RBM20: variants seen among roughly 807,000 people sequenced by gnomAD.
RBM20 encodes RNA-binding protein 20.
RBM20 carries 51 observed loss-of-function variants against 110.1 expected under a neutral mutation model. That is an observed-to-expected ratio of 0.46 (90% CI 0.37 to 0.59). The LOEUF is 0.59. Ranked by LOEUF, RBM20 falls within the 20% of genes least tolerant of loss-of-function variation. The pLI is 0.00. For missense variants in RBM20, 1,512 were observed against 1,574.9 expected (o/e 0.96, Z 0.68); for synonymous variants, 589 against 618.2 (o/e 0.95, Z 0.70).
chr10:110,717,345 C>A (rs1863034568), intron 1 of RBM20, among the ~76,000 whole-genome samples: 1 of 152,276 alleles, frequency 6.6e-6, no homozygotes, highest in South Asian at 2.1e-4. Flanking sequence ...CCCTCCTCCC[C>A]CTCCTCCTCC....
At chr10:110,686,173 A>G (rs903981064) in intron 1 of RBM20, among the ~76,000 whole-genome samples, 3 of 152,162 alleles carry the variant, frequency 2.0e-5, no homozygotes, top group African/African-American at 7.2e-5. Context: ...GCTACATGAC[A>G]ATGTCGTCAT....
At chr10:110,690,433 A>G (rs1377125879) in intron 1 of RBM20, among the ~76,000 whole-genome samples, 3 of 152,158 alleles carry the variant, frequency 2.0e-5, no homozygotes, top group Non-Finnish European at 4.4e-5. Context: ...CAAAACCTGT[A>G]CAATTCACTG....
chr10:110,763,751 C>CTTTTTTTTT (rs56845100), intron 1 of RBM20, among the ~76,000 whole-genome samples: 7 of 64,390 alleles, frequency 1.1e-4, no homozygotes, highest in African/African-American at 1.9e-4. Context: ...GGCTTCTTGG[C>CTTTTTTTTT]TTTTTTTTTT....
At chr10:110,764,962 G>A (rs1310887005) in intron 1 of RBM20, among the ~76,000 whole-genome samples, 1 of 152,028 alleles carries the variant, frequency 6.6e-6, no homozygotes, top group Non-Finnish European at 1.5e-5. Context: ...GCATGAGTAT[G>A]CGATTTGTCT....
intron 1 of RBM20, among the ~76,000 whole-genome samples, chr10:110,709,647 G>A (rs192933368): frequency 5.1e-4 from 77 of 150,880 alleles, no homozygotes; most frequent in African/African-American, 1.8e-3. Context: ...GCTCACTGCA[G>A]CCTTGAACTC....
chr10:110,750,682 T>C (rs1338479769), intron 1 of RBM20, among the ~76,000 whole-genome samples: 2 of 152,218 alleles, frequency 1.3e-5, no homozygotes, highest in East Asian at 1.9e-4. Context: ...TGTAATGAAA[T>C]GTGTGCTCCC....
upstream of RBM20, among the ~76,000 whole-genome samples, chr10:110,643,595 A>T (rs1414159060): frequency 6.6e-6 from 1 of 152,210 alleles, no homozygotes; most frequent in Non-Finnish European, 1.5e-5. Flanking sequence ...AAATGTACGC[A>T]TGGTTTTGTC....
At chr10:110,752,327 T>C (rs1196302123) in intron 1 of RBM20, among the ~76,000 whole-genome samples, 2 of 152,234 alleles carry the variant, frequency 1.3e-5, no homozygotes, top group Admixed American at 1.3e-4. Context: ...CTCTTTCACC[T>C]AGTAATGTGT....
chr10:110,675,789 C>G (rs577045604), intron 1 of RBM20, among the ~76,000 whole-genome samples: 2 of 152,280 alleles, frequency 1.3e-5, no homozygotes, highest in South Asian at 4.1e-4. Context: ...TTCTCTGAGC[C>G]TTGATTTGCT....
chr10:110,810,802 T>C (rs1844756365), intron 8 of RBM20, among the ~76,000 whole-genome samples: 1 of 150,190 alleles, frequency 6.7e-6, no homozygotes, highest in African/African-American at 2.5e-5. Flanking sequence ...TGCGTGTGTG[T>C]GTGTGTGTGT....
rs1342667408 is a variant in RBM20 at position 110,656,435 on chromosome 10, T to C, written c.191+11790T>C. 2.6e-5 allele frequency among the ~76,000 whole-genome samples: 4 copies of C among 151,992 alleles called. No homozygotes were observed. In the East Asian group the frequency reaches 7.7e-4, roughly 29 times the overall value. ...CTTTCTTTGTTTGCGTTTCCTAGAATTTTATACAAATGAAATCCAAGTATG... is the reference window on the plus strand; with the variant it reads ...CTTTCTTTGTTTGCGTTTCCTAGAACTTTATACAAATGAAATCCAAGTATG... On this transcript the variant is annotated intron_variant, in intron 1 of 13. Transcript: ENST00000369519.
chr10:110,732,463 C>T (rs371833959), intron 1 of RBM20, among the ~76,000 whole-genome samples: 15 of 152,300 alleles, frequency 9.8e-5, no homozygotes, highest in Non-Finnish European at 1.9e-4. Context: ...CCAATCCTGA[C>T]TTCTGACAAA....
chr10:110,708,503 A>C (rs1473557816), intron 1 of RBM20, among the ~76,000 whole-genome samples: 1 of 152,196 alleles, frequency 6.6e-6, no homozygotes, highest in Non-Finnish European at 1.5e-5. Flanking sequence ...GTATAAAGCT[A>C]AATCCCACTT....
chr10:110,755,431 T>C (rs1843909369), intron 1 of RBM20, among the ~76,000 whole-genome samples: 1 of 152,272 alleles, frequency 6.6e-6, no homozygotes, highest in African/African-American at 2.4e-5. Flanking sequence ...TTTTTATGGT[T>C]ACTTACTCAG....
intron 5 of RBM20, among the ~76,000 whole-genome samples, chr10:110,787,172 A>G (rs565226159): frequency 6.6e-6 from 1 of 152,314 alleles, no homozygotes; most frequent in East Asian, 1.9e-4. Context: ...AAAGTAAACA[A>G]CTGGATTTCC....
At chr10:110,702,993 T>C (rs1299289930) in intron 1 of RBM20, among the ~76,000 whole-genome samples, 2 of 54,244 alleles carry the variant, frequency 3.7e-5, no homozygotes, top group South Asian at 8.8e-4. Context: ...TTTTTCTTGT[T>C]TTTTTTTTTG....
intron 6 of RBM20, among the ~76,000 whole-genome samples, chr10:110,799,082 A>G (rs1844588436): frequency 6.6e-6 from 1 of 152,168 alleles, no homozygotes; most frequent in African/African-American, 2.4e-5. Flanking sequence ...TCACAACAAC[A>G]TGGCCTTCCT....
chr10:110,717,739 C>T (rs1429334884), intron 1 of RBM20, among the ~76,000 whole-genome samples: 4 of 152,180 alleles, frequency 2.6e-5, no homozygotes, highest in Non-Finnish European at 4.4e-5. Context: ...GTTTTGATTC[C>T]TTGAGGGGAA....
chr10:110,733,769 T>C (rs1357724670), intron 1 of RBM20, among the ~76,000 whole-genome samples: 3 of 152,210 alleles, frequency 2.0e-5, no homozygotes, highest in Non-Finnish European at 4.4e-5. Context: ...AACTGCTCGC[T>C]CAGCTACTTT....
Sources: gnomAD v4.1 joint callset for allele counts (sites outside exome capture counted in the v4.1 genomes callset) on GRCh38, gnomAD v4.1.1 for gene constraint, MANE v1.5 for transcripts, NCBI Gene and HGNC (gene_info 2026-07-23, HGNC 2026-07-21) for gene names.